DACH1: variants seen among roughly 807,000 people sequenced by gnomAD.
DACH1 encodes the protein dachshund family transcription factor 1.
Under a neutral mutation model 54.2 loss-of-function variants are expected in DACH1, and 12 were observed. The ratio of observed to expected loss-of-function variants is 0.22; its 90% CI spans 0.14 to 0.36. The LOEUF is 0.36. DACH1 is among the 10% of genes least tolerant of loss of function. The pLI is 1.00. For synonymous variants in DACH1, 386 were observed against 366.2 expected (o/e 1.05, Z -0.62); for missense variants, 805 against 929.8 (o/e 0.87, Z 1.75).
intron 6 of DACH1, among the ~76,000 whole-genome samples, chr13:71,522,794 T>C (rs927869972): frequency 6.6e-6 from 1 of 152,132 alleles, no homozygotes; most frequent in Admixed American, 6.6e-5. Flanking sequence ...TTTCTGGGAC[T>C]TCCTTCTTCT....
At chr13:71,710,074 T>G (rs1882637974) in intron 1 of DACH1, among the ~76,000 whole-genome samples, 1 of 152,082 alleles carries the variant, frequency 6.6e-6, no homozygotes, top group Non-Finnish European at 1.5e-5. Flanking sequence ...ACACATATAT[T>G]TTTTGTAATT....
At chr13:71,609,881 T>C (rs1875186527) in intron 3 of DACH1, among the ~76,000 whole-genome samples, 1 of 152,110 alleles carries the variant, frequency 6.6e-6, no homozygotes, top group African/African-American at 2.4e-5. Flanking sequence ...TAAAAACCCA[T>C]TCTGGATGGT....
intron 7 of DACH1, among the ~76,000 whole-genome samples, chr13:71,488,050 A>G (rs946553893): frequency 6.6e-6 from 1 of 152,178 alleles, no homozygotes; most frequent in African/African-American, 2.4e-5. Flanking sequence ...AGATGAGAAG[A>G]TATGTTACAT....
chr13:71,779,656 A>G (rs1353550048), intron 1 of DACH1, among the ~76,000 whole-genome samples: 1 of 152,060 alleles, frequency 6.6e-6, no homozygotes, highest in African/African-American at 2.4e-5. Flanking sequence ...CCAAACAAAA[A>G]TAGTTCCATT....
chr13:71,706,467 C>T (rs1057222527), intron 1 of DACH1, among the ~76,000 whole-genome samples: 3 of 151,968 alleles, frequency 2.0e-5, no homozygotes, highest in Non-Finnish European at 2.9e-5. Flanking sequence ...GACATAATTT[C>T]CCAGTTTGTT....
At chr13:71,857,522 C>T (rs1874079178) in intron 1 of DACH1, among the ~76,000 whole-genome samples, 1 of 151,560 alleles carries the variant, frequency 6.6e-6, no homozygotes, top group East Asian at 1.9e-4. Context: ...GGCTTTTCTA[C>T]CAAATGTACG....
At chr13:71,848,013 G>T (rs1873401209) in intron 1 of DACH1, among the ~76,000 whole-genome samples, 1 of 152,096 alleles carries the variant, frequency 6.6e-6, no homozygotes, top group Admixed American at 6.5e-5. Flanking sequence ...TCACTGTGCT[G>T]GGAGACGCTT....
At chr13:71,503,842 G>T (rs369724741) in intron 6 of DACH1, among the ~76,000 whole-genome samples, 1 of 152,074 alleles carries the variant, frequency 6.6e-6, no homozygotes, top group Non-Finnish European at 1.5e-5. Flanking sequence ...GAGATTTTAC[G>T]ACTTTTTCCT....
intron 3 of DACH1, among the ~76,000 whole-genome samples, chr13:71,611,405 A>G (rs754904240): frequency 3.3e-5 from 5 of 152,228 alleles, no homozygotes; most frequent in African/African-American, 4.8e-5. Flanking sequence ...ATTCACATGC[A>G]AAACACCTGT....
chr13:71,521,580 C>T (rs550925514), intron 6 of DACH1, among the ~76,000 whole-genome samples: 4 of 151,990 alleles, frequency 2.6e-5, no homozygotes, highest in Non-Finnish European at 5.9e-5. Context: ...ACTGTTATTC[C>T]TATATGGTTT....
intron 1 of DACH1, among the ~76,000 whole-genome samples, chr13:71,765,884 A>ATT (rs10610275): frequency 7.7e-5 from 8 of 103,926 alleles, no homozygotes; most frequent in African/African-American, 2.9e-4. Flanking sequence ...CTTCTTCTTC[A>ATT]TTTTTTTTTT....
In DACH1 at chr13:71,866,670, A is replaced by G. The variant is rs1593669436; in HGVS notation, c.100T>C (p.Ser34Pro). 1.3e-5 allele frequency: 19 copies of G among 1,442,032 alleles called. No homozygotes were observed. The highest frequency in any genetic ancestry group is 1.7e-5 in the Non-Finnish European group (18 of 1,089,692). The allele number at this position is 1,442,032 out of a possible 1,614,324, so 89.3% of individuals were successfully genotyped here. A position where few individuals can be genotyped will look rare whatever the true frequency, so the allele number is the denominator to read the frequency against. The part of the protein sequence containing the change: ...ASSSGTTTST[S>P]SATSSPAPSI... ...GGAGCCGGAGACGAAGTCGCCGAAG[A>G]GGTGGAGGTGGTGGTGCCAGAGGAG... The change falls in exon 1 of 11, where the codon TCT becomes CCT. Residue 34 changes from serine (S) to proline (P), a missense_variant. Ser to Pro is a moderately conservative substitution (Grantham distance 74). Transcript: ENST00000613252.
intron 3 of DACH1, among the ~76,000 whole-genome samples, chr13:71,608,234 G>A (rs2138509615): frequency 6.6e-6 from 1 of 151,858 alleles, no homozygotes; most frequent in South Asian, 2.1e-4. Flanking sequence ...TAAACCATGT[G>A]GGTAATAATA....
intron 10 of DACH1, 32 bp downstream of exon 10, chr13:71,475,109 A>T (rs770077967): frequency 6.3e-7 from 1 of 1,599,534 alleles, no homozygotes; most frequent in Admixed American, 1.7e-5. Context: ...ATATAGCAAG[A>T]TCTAGATTTA....
intron 1 of DACH1, among the ~76,000 whole-genome samples, chr13:71,860,166 T>C (rs1874256554): frequency 6.6e-6 from 1 of 151,292 alleles, no homozygotes; most frequent in Non-Finnish European, 1.5e-5. Flanking sequence ...CTACATATAC[T>C]ATATAAATAT....
intron 10 of DACH1, among the ~76,000 whole-genome samples, chr13:71,454,603 G>A (rs367707039): frequency 5.3e-5 from 8 of 152,330 alleles, no homozygotes; most frequent in East Asian, 3.9e-4. Context: ...GGAGAGTACC[G>A]TGTGGCAAGG....
intron 2 of DACH1, among the ~76,000 whole-genome samples, chr13:71,664,759 T>A (rs1423358803): frequency 2.0e-5 from 3 of 152,010 alleles, no homozygotes; most frequent in African/African-American, 7.2e-5. Context: ...GAGTGACGCC[T>A]TCGTATTTTC....
chr13:71,866,032 T>C lies in DACH1; in HGVS notation c.738A>G (p.Glu246=). Residue 246 remains glutamate (E), a synonymous_variant, in exon 1 of 11, where the codon GAA becomes GAG. Transcript: ENST00000613252. The part of the protein sequence containing the change: ...LEITPVVCNV[E]QVRILRGLGA... The stretch of plus-strand genomic sequence containing the variant: ...CCAGTCCCCTCAGGATGCGAACTTG[T>C]TCCACATTGCACACCACCGGCGTGA... 1 of 1,613,704 alleles carries C rather than the reference T, an allele frequency of 6.2e-7. No individual in the cohort carries two copies. Among genetic ancestry groups the C allele is most frequent in the Non-Finnish European group, 8.5e-7 (1 of 1,179,924 alleles).
intron 1 of DACH1, among the ~76,000 whole-genome samples, chr13:71,779,131 A>ACT (rs1358067410): frequency 1.4e-3 from 193 of 142,804 alleles, no homozygotes; most frequent in African/African-American, 4.5e-3. Context: ...ACATATATAC[A>ACT]TATATACACA....
Sources: allele counts gnomAD v4.1 joint callset (sites outside exome capture counted in the v4.1 genomes callset), GRCh38; gene constraint gnomAD v4.1.1; transcripts MANE v1.5; gene names NCBI Gene and HGNC (gene_info 2026-07-23, HGNC 2026-07-21).